KBTBD11: variants seen among roughly 807,000 people sequenced by gnomAD.
The protein encoded by KBTBD11 is kelch repeat and BTB domain containing 11.
For missense variants in KBTBD11, 1,390 were observed against 1,001.8 expected (o/e 1.39, Z -5.23); for synonymous variants, 747 against 499.0 (o/e 1.50, Z -6.63).
chr8:1,988,615 G>C (rs1359457539), intron 1 of KBTBD11, among the ~76,000 whole-genome samples: 1 of 152,138 alleles, frequency 6.6e-6, no homozygotes, highest in Non-Finnish European at 1.5e-5. Context: ...TGTAGATTCT[G>C]GATATTAGCC....
At chr8:1,985,999 C>T (rs1465125245) in intron 1 of KBTBD11, among the ~76,000 whole-genome samples, 1 of 152,252 alleles carries the variant, frequency 6.6e-6, no homozygotes, top group South Asian at 2.1e-4. Flanking sequence ...ACTGTCTCTT[C>T]CTGCTCACAT....
chr8:1,999,795 C>T (rs996568393), intron 1 of KBTBD11, among the ~76,000 whole-genome samples: 3 of 152,128 alleles, frequency 2.0e-5, no homozygotes, highest in African/African-American at 7.2e-5. Flanking sequence ...ATGGTTGTAA[C>T]CGAATGTGAA....
Position 2,002,727 on chromosome 8 carries a change from G to A in KBTBD11, c.1535G>A (p.Gly512Asp), listed in dbSNP as rs756704730. 3 of 1,509,942 alleles carry A rather than the reference G, an allele frequency of 2.0e-6. No homozygotes were observed. Among genetic ancestry groups the A allele is most frequent in the Non-Finnish European group, 2.6e-6 (3 of 1,136,334 alleles). The allele number at this position is 1,509,942 out of a possible 1,614,324, so 93.5% of individuals were successfully genotyped here. ...CGCTTCGATCTGAGCGGCAGCCGCG[G>A]CGAGGCGCAGGCGGCGGGGCCGAGC... ...IYRFDLSGSR[G>D]EAQAAGPSGV... The change falls in exon 2 of 2, where the codon GGC becomes GAC. Residue 512 changes from glycine (G) to aspartate (D), a missense_variant. Physicochemically the swap from Gly to Asp is moderately conservative, Grantham distance 94. Transcript: ENST00000320248. The surrounding 1 kb of genome is among the most constrained non-coding windows in gnomAD (Gnocchi z 4.1).
chr8:1,996,509 C>T (rs1210594622), intron 1 of KBTBD11, among the ~76,000 whole-genome samples: 1 of 152,020 alleles, frequency 6.6e-6, no homozygotes, highest in Non-Finnish European at 1.5e-5. Context: ...CTCAGGTGAC[C>T]CACCCACCTC....
At chr8:1,977,925 G>T (rs770655565) in intron 1 of KBTBD11, among the ~76,000 whole-genome samples, 2 of 152,140 alleles carry the variant, frequency 1.3e-5, no homozygotes, top group African/African-American at 4.8e-5. Flanking sequence ...CTGAATATTC[G>T]TATCACGACC....
chr8:1,974,716 C>G, intron 1 of KBTBD11: 1 of 985,390 alleles, frequency 1.0e-6, no homozygotes, highest in South Asian at 4.7e-5. Flanking sequence ...GCAGGGGTCC[C>G]TCCTCTCAGG....
rs751443775 is a variant in KBTBD11 at position 2,002,829 on chromosome 8, G to T, written c.1637G>T (p.Gly546Val). The T allele has an allele frequency of 1.4e-6, 2 of 1,424,612 alleles. No individual in the cohort carries two copies. Among genetic ancestry groups the T allele is most frequent in the Admixed American group, 3.1e-5 (1 of 32,560 alleles). The allele number at this position is 1,424,612 out of a possible 1,614,324, so 88.2% of individuals were successfully genotyped here. Residue 546 changes from glycine (G) to valine (V), a missense_variant, in exon 2 of 2, where the codon GGC becomes GTC. Gly to Val is a moderately radical substitution (Grantham distance 109, BLOSUM62 -3). Coordinates refer to ENST00000320248, the MANE Select transcript of KBTBD11 (RefSeq NM_014867.3). This position sits in a 1 kb window ranked among gnomAD's most constrained non-coding sequence, Gnocchi z 4.1. The stretch of plus-strand genomic sequence containing the variant: ...GTCGCGCCCCTGCGCCTCCCCGGCG[G>T]CCCCACGGGCCTGCAGCCCTTCCGC... ...PCVAPLRLPGGPTGLQPFRCA... is the reference protein window; with the variant it reads ...PCVAPLRLPGVPTGLQPFRCA...
At position 1,990,471 on chromosome 8, in the gene KBTBD11, T is replaced by C. The variant is rs1311811717; in HGVS notation, c.-908-9814T>C. On this transcript the variant is annotated intron_variant, in intron 1 of 1. Coordinates refer to ENST00000320248, the MANE Select transcript of KBTBD11 (RefSeq NM_014867.3). ...GGCCTTGGCGCCCTGTCCGGGTAGA[T>C]GCTGCTGGGACTTGGCGCCCTGTCC... 8.3e-5 allele frequency among the ~76,000 whole-genome samples: 9 copies of C among 108,086 alleles called. 1 individual carries two copies. The highest frequency in any genetic ancestry group is 3.3e-4 in the African/African-American group (9 of 27,512). The allele number at this position is 108,086 out of a possible 152,430, so 70.9% of individuals were successfully genotyped here. A position where few individuals can be genotyped will look rare whatever the true frequency, so the allele number is the denominator to read the frequency against.
intron 1 of KBTBD11, 42 bp downstream of exon 1, chr8:1,973,977 C>T (rs1021839885): frequency 7.4e-6 from 7 of 951,096 alleles, no homozygotes; most frequent in Admixed American, 1.4e-4. Flanking sequence ...GCCTGGCGGG[C>T]GGAGCGGGAA....
intron 1 of KBTBD11, among the ~76,000 whole-genome samples, chr8:1,977,426 C>G (rs941335194): frequency 6.6e-6 from 1 of 152,160 alleles, no homozygotes; most frequent in African/African-American, 2.4e-5. Flanking sequence ...CTGGCCACCT[C>G]CATCTCATGC....
chr8:1,980,737 G>A (rs1035069448), intron 1 of KBTBD11, among the ~76,000 whole-genome samples: 2 of 152,200 alleles, frequency 1.3e-5, no homozygotes, highest in African/African-American at 4.8e-5. Context: ...CAGGGCAGGG[G>A]CAGGGCAGGG....
intron 1 of KBTBD11, among the ~76,000 whole-genome samples, chr8:1,977,847 T>C (rs890856674): frequency 4.6e-5 from 7 of 152,200 alleles, no homozygotes; most frequent in South Asian, 2.1e-4. Flanking sequence ...AGAGCAATTA[T>C]TTTTTAAAAT....
At chr8:1,993,492 T>TCACCC (rs1817004330) in intron 1 of KBTBD11, among the ~76,000 whole-genome samples, 1 of 32,672 alleles carries the variant, frequency 3.1e-5, no homozygotes, top group Non-Finnish European at 8.8e-5. Flanking sequence ...TATCCGTCCA[T>TCACCC]CCGTCCATCC....
intron 1 of KBTBD11, among the ~76,000 whole-genome samples, chr8:1,985,087 C>A (rs1354526847): frequency 6.6e-6 from 1 of 152,210 alleles, no homozygotes; most frequent in African/African-American, 2.4e-5. Context: ...AAATCAGAAG[C>A]CCTTCTGTAG....
At chr8:1,999,519 T>C (rs1765602391) in intron 1 of KBTBD11, among the ~76,000 whole-genome samples, 1 of 152,240 alleles carries the variant, frequency 6.6e-6, no homozygotes, top group African/African-American at 2.4e-5. Context: ...CGTGAAGCGT[T>C]TGCCAATTTA....
chr8:2,001,262 A>C lies in KBTBD11; in HGVS notation c.70A>C (p.Ser24Arg). ...GCCCGGGGCTGCCGGGGAGAGCGAG[A>C]GCGAGGGCGCCGCGTCCCCGGCGCA... ...TEPGAAGESE[S>R]EGAASPAQTP... is the part of the protein sequence containing the mutation. Residue 24 changes from serine to arginine, a missense_variant, in exon 2 of 2, where the codon AGC becomes CGC. By Grantham distance (110) the Ser-to-Arg change is moderately radical (BLOSUM62 -1). Coordinates refer to ENST00000320248, the MANE Select transcript of KBTBD11 (RefSeq NM_014867.3). 1 of 1,513,800 alleles carries C rather than the reference A, an allele frequency of 6.6e-7. No homozygotes were observed. Among genetic ancestry groups the C allele is most frequent in the East Asian group, 2.6e-5 (1 of 37,908 alleles). 93.8% of individuals were successfully genotyped at this position (1,513,800 alleles called of 1,614,324 possible).
Position 2,002,417 on chromosome 8 carries a change from G to A in KBTBD11, c.1225G>A (p.Ala409Thr), listed in dbSNP as rs1211632826. 1.3e-6 allele frequency: 2 copies of A among 1,492,266 alleles called. No individual in the cohort carries two copies. Among genetic ancestry groups the A allele is most frequent in the Admixed American group, 2.2e-5 (1 of 45,892 alleles). 92.4% of individuals were successfully genotyped at this position (1,492,266 alleles called of 1,614,324 possible). Residue 409 changes from alanine to threonine, a missense_variant, in exon 2 of 2, where the codon GCC (alanine) becomes ACC (threonine). Ala to Thr is a moderately conservative substitution (Grantham distance 58). Coordinates refer to ENST00000320248, the MANE Select transcript of KBTBD11 (RefSeq NM_014867.3). The surrounding 1 kb of genome is among the most constrained non-coding windows in gnomAD (Gnocchi z 4.1). ...GGCGCGCTCGCAGCTGCGGCTGCTG[G>A]CCCTGGACGGTCACCTCTACGCCGT... is the stretch of plus-strand genomic sequence containing the variant. ...RQARSQLRLLALDGHLYAVGG... is the reference protein window; with the variant it reads ...RQARSQLRLLTLDGHLYAVGG...
chr8:2,002,239 G>T lies in KBTBD11; in HGVS notation c.1047G>T (p.Ala349=), dbSNP rs1303361179. The change falls in exon 2 of 2, where the codon GCG becomes GCT. Residue 349 remains alanine (A), a synonymous_variant. Coordinates refer to ENST00000320248, the MANE Select transcript of KBTBD11 (RefSeq NM_014867.3). This position sits in a 1 kb window ranked among gnomAD's most constrained non-coding sequence, Gnocchi z 4.1. ...CGCGGCTGCCCGAGGGCGCGCCGGC[G>T]CGGGGCTGCGGCCTGTGCGTCCTCT... ...ELTRLPEGAP[A]RGCGLCVLYN... 1.3e-5 allele frequency: 17 copies of T among 1,271,256 alleles called. No individual in the cohort carries two copies. The highest frequency in any genetic ancestry group is 3.2e-5 in the African/African-American group (2 of 63,368). The allele number at this position is 1,271,256 out of a possible 1,614,324, so 78.7% of individuals were successfully genotyped here.
chr8:2,003,277 C>A lies in KBTBD11; in HGVS notation c.*213C>A. On this transcript the variant is annotated 3_prime_UTR_variant, in exon 2 of 2. Transcript: ENST00000320248. ...TTCTGGGGGTGGATGCCTTGAGACC[C>A]AGGAGGTGTGCGGATGGGTCCCTTG... is the stretch of plus-strand genomic sequence containing the variant. The A allele has an allele frequency of 1.4e-6, 1 of 698,078 alleles. No individual in the cohort carries two copies. 43.2% of individuals were successfully genotyped at this position (698,078 alleles called of 1,614,324 possible). A position where few individuals can be genotyped will look rare whatever the true frequency, so the allele number is the denominator to read the frequency against.
Sources: gnomAD v4.1 joint callset for allele counts (sites outside exome capture counted in the v4.1 genomes callset) on GRCh38, gnomAD v4.1.1 for gene constraint, Gnocchi (gnomAD v3.1) non-coding constraint, MANE v1.5 for transcripts, NCBI Gene and HGNC (gene_info 2026-07-23, HGNC 2026-07-21) for gene names.